MTMR2: variants seen among roughly 807,000 people sequenced by gnomAD.
MTMR2 encodes the protein myotubularin related protein 2.
MTMR2 carries 55 observed loss-of-function variants against 86.9 expected under a neutral mutation model. That is an observed-to-expected ratio of 0.63 (90% CI 0.51 to 0.79). The LOEUF is 0.79. Among genes scored for constraint, MTMR2 ranks in the 30% least tolerant of loss-of-function variants. The probability of loss-of-function intolerance (pLI) is 0.00; values close to 1 mark genes in which losing one functional copy is unlikely to be tolerated. For synonymous variants in MTMR2, 241 were observed against 266.8 expected (o/e 0.90, Z 0.94); for missense variants, 659 against 772.3 (o/e 0.85, Z 1.74).
chr11:95,923,991 G>A lies in MTMR2; in HGVS notation c.-37C>T. 1.3e-6 allele frequency: 2 copies of A among 1,551,284 alleles called. No individual in the cohort carries two copies. Among genetic ancestry groups the A allele is most frequent in the Non-Finnish European group, 1.7e-6 (2 of 1,147,086 alleles). On this transcript the variant is annotated 5_prime_UTR_variant, in exon 1 of 15. Coordinates refer to ENST00000346299, the MANE Select transcript of MTMR2 (RefSeq NM_016156.6). Reference sequence around the variant, plus strand: ...GGCAGCACAGGGAAAGGCTGAAGCAGTCTTCGCGGCTACAGGGCGGGAGAA... The same window carrying A: ...GGCAGCACAGGGAAAGGCTGAAGCAATCTTCGCGGCTACAGGGCGGGAGAA...
intron 1 of MTMR2, among the ~76,000 whole-genome samples, chr11:95,892,543 T>C (rs1327143988): frequency 6.6e-6 from 1 of 152,168 alleles, no homozygotes; most frequent in Non-Finnish European, 1.5e-5. Context: ...GAAACTGCAG[T>C]CTCTAACCTC....
In MTMR2 at chr11:95,900,704, G is replaced by GGT. The variant is rs754366022; in HGVS notation, c.81-12445_81-12444dup. On this transcript the variant is annotated intron_variant, in intron 1 of 14. Transcript: ENST00000346299. ...GCCCCATCCAGTCTACTTTGGGAGA[G>GGT]GTGTGTGTGTGTGCATGTGCGTGTG... Among the ~76,000 whole-genome samples, 11 of 151,894 alleles carry GGT rather than the reference G, an allele frequency of 7.2e-5. No individual in the cohort carries two copies. In the East Asian group the frequency reaches 1.2e-3, roughly 16 times the overall value.
intron 1 of MTMR2, among the ~76,000 whole-genome samples, chr11:95,888,584 C>A (rs1410601433): frequency 3.3e-5 from 5 of 152,172 alleles, no homozygotes; most frequent in African/African-American, 9.7e-5. Context: ...TACAAAACCA[C>A]TACACCAGGC....
intron 2 of MTMR2, among the ~76,000 whole-genome samples, chr11:95,870,525 A>T (rs898437002): frequency 6.6e-6 from 1 of 152,058 alleles, no homozygotes; most frequent in Non-Finnish European, 1.5e-5. Flanking sequence ...ATCAAATCTG[A>T]CCCTAGGCTT....
At position 95,836,080 on chromosome 11, in the gene MTMR2, C is replaced by A. The variant is rs567528327; in HGVS notation, c.1770+68G>T. The A allele has an allele frequency of 3.4e-5, 48 of 1,425,272 alleles. No individual in the cohort carries two copies. The Middle Eastern group carries it at 5.3e-4, about 16-fold the overall frequency. The allele number at this position is 1,425,272 out of a possible 1,614,324, so 88.3% of individuals were successfully genotyped here. A position where few individuals can be genotyped will look rare whatever the true frequency, so the allele number is the denominator to read the frequency against. The stretch of plus-strand genomic sequence containing the variant: ...AAATATGCACAGATAATCTTTCCAG[C>A]TGCTTTTAAGGAGACAAAGTTGCAC... On this transcript the variant is annotated intron_variant, in intron 14 of 14. Coordinates refer to ENST00000346299, the MANE Select transcript of MTMR2 (RefSeq NM_016156.6).
intron 3 of MTMR2, among the ~76,000 whole-genome samples, chr11:95,864,494 T>TATC (rs1864536049): frequency 6.6e-6 from 1 of 152,168 alleles, no homozygotes; most frequent in Admixed American, 6.6e-5. Flanking sequence ...TATGCCTTAG[T>TATC]TTCCTTCCTC....
intron 9 of MTMR2, 152 bp from the exon 10 acceptor site, chr11:95,848,051 T>A (rs533980189): frequency 2.7e-6 from 2 of 742,790 alleles, no homozygotes; most frequent in South Asian, 3.2e-5. Flanking sequence ...ACAACTTATT[T>A]AGCACAACCA....
intron 1 of MTMR2, among the ~76,000 whole-genome samples, chr11:95,911,744 A>G (rs1866512848): frequency 6.6e-6 from 1 of 152,166 alleles, no homozygotes; most frequent in Non-Finnish European, 1.5e-5. Flanking sequence ...ATCCCAAACT[A>G]AAGTATACAG....
chr11:95,866,764 G>A (rs1864633318), intron 2 of MTMR2, among the ~76,000 whole-genome samples: 1 of 149,722 alleles, frequency 6.7e-6, no homozygotes, highest in Admixed American at 6.7e-5. Flanking sequence ...AGGAGGACCA[G>A]CCTATGAAGA....
intron 2 of MTMR2, 79 bp from the exon 3 acceptor site, chr11:95,865,755 T>G (rs1377588751): frequency 1.7e-6 from 2 of 1,184,014 alleles, no homozygotes; most frequent in Non-Finnish European, 1.3e-6. Flanking sequence ...CTGAGTATAC[T>G]TGCTCTTGAA....
intron 2 of MTMR2, among the ~76,000 whole-genome samples, chr11:95,871,996 T>C (rs1266051445): frequency 1.3e-5 from 2 of 152,236 alleles, no homozygotes; most frequent in South Asian, 4.1e-4. Flanking sequence ...TAGGGAATCC[T>C]TTCCCCATTT....
chr11:95,876,066 C>A (rs1865098509), intron 2 of MTMR2, among the ~76,000 whole-genome samples: 1 of 152,216 alleles, frequency 6.6e-6, no homozygotes. Context: ...CTTGAGGAGG[C>A]AGTTTGTCCA....
At chr11:95,839,096 T>C (rs1343780899) in intron 12 of MTMR2, among the ~76,000 whole-genome samples, 3 of 151,860 alleles carry the variant, frequency 2.0e-5, no homozygotes, top group African/African-American at 7.3e-5. Context: ...TGGAGGAAAA[T>C]AGTATAAACA....
chr11:95,883,233 C>T (rs1273291630), intron 2 of MTMR2, among the ~76,000 whole-genome samples: 5 of 152,042 alleles, frequency 3.3e-5, no homozygotes, highest in Non-Finnish European at 7.4e-5. Flanking sequence ...ATAAGTAGAG[C>T]TGTGCATTTG....
chr11:95,914,190 G>A, intron 1 of MTMR2: 1 of 978,124 alleles, frequency 1.0e-6, no homozygotes, highest in Non-Finnish European at 1.2e-6. Flanking sequence ...AAATACTGTT[G>A]GCAATATTAA....
intron 5 of MTMR2, among the ~76,000 whole-genome samples, chr11:95,859,879 A>C (rs997196017): frequency 5.3e-5 from 8 of 152,160 alleles, no homozygotes; most frequent in African/African-American, 1.9e-4. Context: ...TTTTAAAATA[A>C]ACATGTGCGG....
At chr11:95,917,234 C>A (rs568771366) in intron 1 of MTMR2, among the ~76,000 whole-genome samples, 4 of 152,294 alleles carry the variant, frequency 2.6e-5, no homozygotes, top group Middle Eastern at 3.4e-3. Context: ...ATATTCAAAA[C>A]CATCTTCCTT....
chr11:95,858,731 T>G, intron 5 of MTMR2, 99 bp from the exon 6 acceptor site: 1 of 800,296 alleles, frequency 1.2e-6, no homozygotes, highest in Middle Eastern at 3.5e-4. Context: ...TTAAGATCTG[T>G]GAATGTGGGA....
At chr11:95,884,501 A>G (rs559399938) in intron 2 of MTMR2, among the ~76,000 whole-genome samples, 14 of 152,334 alleles carry the variant, frequency 9.2e-5, no homozygotes, top group Admixed American at 3.9e-4. Context: ...GTAACAGCCA[A>G]CTGTGCCACT....
Sources: gnomAD v4.1 joint callset for allele counts (sites outside exome capture counted in the v4.1 genomes callset) on GRCh38, gnomAD v4.1.1 for gene constraint, MANE v1.5 for transcripts, NCBI Gene and HGNC (gene_info 2026-07-23, HGNC 2026-07-21) for gene names.